Variants in RPAP2 observed in about 807,000 individuals in gnomAD.
RPAP2 encodes RNA polymerase II associated protein 2.
RPAP2 carries 52 observed loss-of-function variants against 73.1 expected under a neutral mutation model. That is an observed-to-expected ratio of 0.71 (90% confidence interval 0.57 to 0.90). The LOEUF (loss-of-function observed/expected upper bound fraction) is 0.90, where lower values mean the gene tolerates loss of function less well. Among genes scored for constraint, RPAP2 ranks in the 40% least tolerant of loss-of-function variants. The probability of loss-of-function intolerance (pLI) is 0.00; values close to 1 mark genes in which losing one functional copy is unlikely to be tolerated. For missense variants in RPAP2, 598 were observed against 701.8 expected, an observed-to-expected ratio of 0.85 and a Z score of 1.67; for synonymous variants, 225 against 242.1, an observed-to-expected ratio of 0.93 and a Z score of 0.65.
intron 11 of RPAP2, among the ~76,000 whole-genome samples, chr1:92,379,760 C>A (rs1655541508): frequency 1.3e-5 from 2 of 149,864 alleles, no homozygotes; most frequent in South Asian, 4.2e-4. Flanking sequence ...CATGGTGAAA[C>A]CCCATCTCTA....
chr1:92,301,534 C>CA lies in RPAP2; in HGVS notation c.179dup (p.His60GlnfsTer4), dbSNP rs1650857934. The CA allele has an allele frequency of 6.3e-7, 1 of 1,596,164 alleles. No individual in the cohort carries two copies. Among genetic ancestry groups the CA allele is most frequent in the African/African-American group, 1.3e-5 (1 of 74,124 alleles). On this transcript the variant is annotated frameshift_variant, in exon 3 of 13. Transcript: ENST00000610020. LOFTEE classifies it high-confidence loss of function. ...GATTGAATTTGAGAGAAAAGCTCTA[C>CA]ATATTGTTGAACAGCTTTTAGAGGA...
chr1:92,334,840 T>A (rs922845286), intron 9 of RPAP2, among the ~76,000 whole-genome samples: 6 of 151,628 alleles, frequency 4.0e-5, no homozygotes, highest in Middle Eastern at 3.4e-3. Flanking sequence ...CAAAAAAAAT[T>A]AGCCGGGCGT....
intron 11 of RPAP2, among the ~76,000 whole-genome samples, chr1:92,368,478 C>T (rs371926517): frequency 1.3e-5 from 2 of 152,134 alleles, no homozygotes; most frequent in East Asian, 1.9e-4. Flanking sequence ...GCTCAATAAA[C>T]CACAACTTTA....
At chr1:92,355,435 A>C (rs555179680) in intron 11 of RPAP2, among the ~76,000 whole-genome samples, 7 of 152,206 alleles carry the variant, frequency 4.6e-5, no homozygotes, top group Non-Finnish European at 8.8e-5. Context: ...GCGATATATC[A>C]AAGGCTTCTG....
intron 11 of RPAP2, among the ~76,000 whole-genome samples, chr1:92,362,803 A>G (rs1571126815): frequency 6.6e-6 from 1 of 152,140 alleles, no homozygotes; most frequent in Admixed American, 6.5e-5. Flanking sequence ...GCAATGAGTG[A>G]CAAATCTGCT....
intron 11 of RPAP2, among the ~76,000 whole-genome samples, chr1:92,379,301 G>C (rs1655518163): frequency 6.6e-6 from 1 of 152,152 alleles, no homozygotes; most frequent in Admixed American, 6.5e-5. Flanking sequence ...AGCTTTGTGG[G>C]AAGTGTAAAA....
Position 92,388,812 on chromosome 1 carries a change from G to C in RPAP2, c.*1801G>C, listed in dbSNP as rs548332416. ...TCGACCTGGGACGTGGGAGCTTGGC[G>C]GGGTAGAGGTGTCCGCCATTGCTGA... On this transcript the variant is annotated 3_prime_UTR_variant, in exon 13 of 13. Transcript: ENST00000610020. 6.6e-6 allele frequency: 1 copy of C among 152,306 alleles called. No individual in the cohort carries two copies. Among genetic ancestry groups the C allele is most frequent in the Non-Finnish European group, 1.5e-5 (1 of 68,126 alleles). 9.4% of individuals were successfully genotyped at this position (152,306 alleles called of 1,614,324 possible).
chr1:92,388,171 A>AT lies in RPAP2; in HGVS notation c.*1161dup, dbSNP rs1302551358. On this transcript the variant is annotated 3_prime_UTR_variant, in exon 13 of 13. Transcript: ENST00000610020. ...TGAAATAAAGAAAATTGTGTTCACAATATCACCAAAGAGAATTAAATACTT... is the reference window on the plus strand; with the variant it reads ...TGAAATAAAGAAAATTGTGTTCACAATTATCACCAAAGAGAATTAAATACTT... The AT allele has an allele frequency of 2.0e-5, 3 of 152,240 alleles. No homozygotes were observed. The highest frequency in any genetic ancestry group is 7.2e-5 in the African/African-American group (3 of 41,458). 9.4% of individuals were successfully genotyped at this position (152,240 alleles called of 1,614,324 possible).
intron 10 of RPAP2, among the ~76,000 whole-genome samples, chr1:92,338,484 T>C (rs972982060): frequency 6.6e-6 from 1 of 152,176 alleles, no homozygotes; most frequent in African/African-American, 2.4e-5. Context: ...AAAAAGTATT[T>C]AACAACTGTC....
intron 10 of RPAP2, among the ~76,000 whole-genome samples, chr1:92,338,412 A>C (rs41344152): frequency 0.048 from 7,364 of 152,296 alleles, 614 homozygotes; most frequent in African/African-American, 0.17. Context: ...AGTAATGACG[A>C]GAGACATTTT....
In RPAP2 at chr1:92,387,098, T is replaced by A; in HGVS notation, c.*87T>A. The A allele has an allele frequency of 7.5e-7, 1 of 1,329,386 alleles. No individual in the cohort carries two copies. Among genetic ancestry groups the A allele is most frequent in the Admixed American group, 2.0e-5 (1 of 49,842 alleles). The allele number at this position is 1,329,386 out of a possible 1,614,324, so 82.3% of individuals were successfully genotyped here. A position where few individuals can be genotyped will look rare whatever the true frequency, so the allele number is the denominator to read the frequency against. On this transcript the variant is annotated 3_prime_UTR_variant, in exon 13 of 13. Transcript: ENST00000610020. The stretch of plus-strand genomic sequence containing the variant: ...GCCATGATGGTCTGGTGGTGACTGA[T>A]AACTAGTTTTATTCCAAGACATACC...
At chr1:92,351,029 G>A (rs1654175297) in intron 11 of RPAP2, among the ~76,000 whole-genome samples, 1 of 151,970 alleles carries the variant, frequency 6.6e-6, no homozygotes, top group Admixed American at 6.6e-5. Context: ...AGAAAGGACA[G>A]TAGGCGGGGT....
At chr1:92,323,079 A>G (rs913535644) in intron 7 of RPAP2, among the ~76,000 whole-genome samples, 1 of 146,138 alleles carries the variant, frequency 6.8e-6, no homozygotes, top group African/African-American at 2.5e-5. Context: ...ATATATTTAT[A>G]TATATATATA....
chr1:92,305,808 C>T (rs1651190811), intron 5 of RPAP2, among the ~76,000 whole-genome samples: 2 of 152,048 alleles, frequency 1.3e-5, no homozygotes, highest in Non-Finnish European at 2.9e-5. Context: ...CACAAAATTG[C>T]GAATGTTAGG....
intron 3 of RPAP2, among the ~76,000 whole-genome samples, chr1:92,302,832 C>T (rs1465763881): frequency 6.6e-6 from 1 of 151,814 alleles, no homozygotes; most frequent in African/African-American, 2.4e-5. Context: ...GATTTCCTAA[C>T]CTCGTGATCC....
intron 1 of RPAP2, 31 bp from the exon 2 acceptor site, chr1:92,300,163 T>C (rs1650711375): frequency 1.3e-6 from 2 of 1,521,416 alleles, no homozygotes; most frequent in Non-Finnish European, 1.8e-6. Flanking sequence ...GAAATGTCAT[T>C]ATGTAGCACA....
Position 92,357,494 on chromosome 1 carries a change from G to C in RPAP2, c.1688+11580G>C, listed in dbSNP as rs1388683764. ...TATAGCGTGAAAAAAGCAAGATAAGGCTGATAACTAGAAGGAAAGGTTGGG... is the reference window on the plus strand; with the variant it reads ...TATAGCGTGAAAAAAGCAAGATAAGCCTGATAACTAGAAGGAAAGGTTGGG... On this transcript the variant is annotated intron_variant, in intron 11 of 12. Coordinates refer to ENST00000610020, the MANE Select transcript of RPAP2 (RefSeq NM_024813.3). Among the ~76,000 whole-genome samples the C allele has an allele frequency of 2.0e-5, 3 of 152,130 alleles. No individual in the cohort carries two copies. The East Asian group carries it at 5.8e-4, about 29-fold the overall frequency.
chr1:92,349,129 C>T (rs1397778069), intron 11 of RPAP2, among the ~76,000 whole-genome samples: 2 of 152,170 alleles, frequency 1.3e-5, no homozygotes, highest in African/African-American at 4.8e-5. Flanking sequence ...ATTTTCACAT[C>T]TACTCTCAAA....
chr1:92,342,755 T>A (rs1018500447), intron 10 of RPAP2, among the ~76,000 whole-genome samples: 6 of 152,106 alleles, frequency 3.9e-5, no homozygotes, highest in African/African-American at 1.4e-4. Context: ...TGGCTGGACA[T>A]GGGATGTGAG....
Sources: allele counts gnomAD v4.1 joint callset (sites outside exome capture counted in the v4.1 genomes callset), GRCh38; gene constraint gnomAD v4.1.1; transcripts MANE v1.5; gene names NCBI Gene and HGNC (gene_info 2026-07-23, HGNC 2026-07-21).